SDSL: variants seen among roughly 807,000 people sequenced by gnomAD.
SDSL encodes serine dehydratase like.
SDSL carries 26 observed loss-of-function variants against 27.6 expected under a neutral mutation model. That is an observed-to-expected ratio of 0.94 (90% CI 0.69 to 1.31). The LOEUF is 1.31. SDSL is among the 50% of genes most tolerant of loss of function. SDSL has a pLI of 0.00. For synonymous variants in SDSL, 196 were observed against 180.6 expected, an observed-to-expected ratio of 1.09 and a Z score of -0.69; for missense variants, 431 against 423.5, an observed-to-expected ratio of 1.02 and a Z score of -0.16.
intron 1 of SDSL, chr12:113,427,299 C>A (rs1185936181): frequency 6.6e-6 from 1 of 152,478 alleles, no homozygotes; most frequent in African/African-American, 2.4e-5. Flanking sequence ...TTAGTAGAGA[C>A]AGGGTTTTAC....
At chr12:113,434,498 C>A (rs954624033) in intron 5 of SDSL, among the ~76,000 whole-genome samples, 1 of 152,216 alleles carries the variant, frequency 6.6e-6, no homozygotes. Flanking sequence ...GACCAGGCAC[C>A]AGGCTAATGG....
chr12:113,434,332 C>A, intron 5 of SDSL, 110 bp downstream of exon 5: 1 of 807,696 alleles, frequency 1.2e-6, no homozygotes, highest in Non-Finnish European at 1.9e-6. Flanking sequence ...GGAGAAGAGG[C>A]TTCAAAGCCA....
chr12:113,437,733 G>A (rs1190823308), intron 7 of SDSL, among the ~76,000 whole-genome samples, 153 bp from the exon 8 acceptor site: 1 of 152,206 alleles, frequency 6.6e-6, no homozygotes, highest in African/African-American at 2.4e-5. Context: ...TGGATGGGGA[G>A]AGCGTGAGAC....
intron 4 of SDSL, among the ~76,000 whole-genome samples, chr12:113,433,520 G>A (rs1001030570): frequency 4.6e-5 from 7 of 152,202 alleles, no homozygotes; most frequent in Non-Finnish European, 8.8e-5. Flanking sequence ...GCATTGGTAG[G>A]GAGTGTAGAA....
intron 4 of SDSL, among the ~76,000 whole-genome samples, chr12:113,431,742 T>A (rs1957924337): frequency 8.7e-6 from 1 of 114,738 alleles, no homozygotes; most frequent in African/African-American, 3.8e-5. Flanking sequence ...CCCAGCTAAT[T>A]TTTTTTTTTT....
At chr12:113,434,084 C>CAT in intron 4 of SDSL, 50 bp from the exon 5 acceptor site, 5 of 1,508,764 alleles carry the variant, frequency 3.3e-6, no homozygotes, top group Non-Finnish European at 4.6e-6. Context: ...CTCCGGCCTC[C>CAT]ATAGCAGTCC....
rs1315500095 is a variant in SDSL at position 113,429,205 on chromosome 12, G to A, written c.260G>A (p.Gly87Asp). 2.5e-6 allele frequency: 4 copies of A among 1,613,816 alleles called. No homozygotes were observed. In the South Asian group the frequency reaches 3.3e-5, roughly 13 times the overall value. ...IAAAYAARKL[G>D]IPATIVLPES... ...GCTGCCTATGCTGCTAGGAAGCTGG[G>A]CATTCCTGCCACCATCGTGCTCCCC... The change falls in exon 4 of 8, where the codon GGC becomes GAC. Residue 87 changes from glycine (G) to aspartate (D), a missense_variant. Gly to Asp is a moderately conservative substitution (Grantham distance 94). Coordinates refer to ENST00000403593, the MANE Select transcript of SDSL (RefSeq NM_001304993.2).
rs1349801589 is a variant in SDSL, at chr12:113,429,311, G to C, written c.354+12G>C. On this transcript the variant is annotated intron_variant, in intron 4 of 7. Coordinates refer to ENST00000403593, the MANE Select transcript of SDSL (RefSeq NM_001304993.2). ...AGCTGACTGGAAAGGTAAGGGCTCT[G>C]GGAAGGGGAGAACCATCTGGGTGGG... is the stretch of plus-strand genomic sequence containing the variant. 6.2e-7 allele frequency: 1 copy of C among 1,601,146 alleles called. No homozygotes were observed. Among genetic ancestry groups the C allele is most frequent in the East Asian group, 2.2e-5 (1 of 44,476 alleles).
At chr12:113,424,047 C>T (rs1957820662) in intron 1 of SDSL, among the ~76,000 whole-genome samples, 2 of 152,116 alleles carry the variant, frequency 1.3e-5, no homozygotes, top group African/African-American at 2.4e-5. Flanking sequence ...CCCTCTTACT[C>T]TCTAGGCTGG....
chr12:113,428,366 G>T (rs1957876913), intron 2 of SDSL, 54 bp from the exon 3 acceptor site: 14 of 1,567,456 alleles, frequency 8.9e-6, no homozygotes, highest in South Asian at 1.2e-5. Flanking sequence ...TTCCACATAG[G>T]CCTTCATGAC....
chr12:113,432,222 TTCTTTCTTTC>T (rs1409658639), intron 4 of SDSL, among the ~76,000 whole-genome samples: 2 of 8,290 alleles, frequency 2.4e-4, no homozygotes. Context: ...CTTTCTTTCT[TTCTTTCTTTC>T]TTTCTTTCTT....
At chr12:113,432,260 CTTT>C (rs1957936548) in intron 4 of SDSL, among the ~76,000 whole-genome samples, 1 of 137,584 alleles carries the variant, frequency 7.3e-6, no homozygotes, top group Admixed American at 7.3e-5. Flanking sequence ...TTCTTTCTTT[CTTT>C]CTTTCTTTCT....
intron 1 of SDSL, chr12:113,426,008 A>ACAC: frequency 2.6e-6 from 1 of 381,184 alleles, no homozygotes; most frequent in Non-Finnish European, 5.3e-6. Context: ...ACCACCACCA[A>ACAC]CACCACCACC....
In SDSL at chr12:113,437,938, C is replaced by A. The variant is rs1958019899; in HGVS notation, c.849C>A (p.Ile283=). 6.2e-7 allele frequency: 1 copy of A among 1,613,732 alleles called. No homozygotes were observed. The highest frequency in any genetic ancestry group is 8.5e-7 in the Non-Finnish European group (1 of 1,179,892). ...CCTGTGGGGCAGCCTTAGCAGCCAT[C>A]TACTCAGGCCTCCTGCGGAGGCTCC... ...EPACGAALAA[I]YSGLLRRLQA... Residue 283 remains isoleucine, a synonymous_variant, in exon 8 of 8, where the codon ATC becomes ATA. Transcript: ENST00000403593.
chr12:113,432,306 CTG>C, intron 4 of SDSL, among the ~76,000 whole-genome samples: 2 of 148,010 alleles, frequency 1.4e-5, no homozygotes, highest in African/African-American at 5.2e-5. Context: ...CTCTCTCTTT[CTG>C]TCTCTCTGTC....
At chr12:113,432,293 TC>T (rs1227971584) in intron 4 of SDSL, among the ~76,000 whole-genome samples, 9 of 145,994 alleles carry the variant, frequency 6.2e-5, no homozygotes, top group African/African-American at 2.3e-4. Context: ...TCTTTCTTTC[TC>T]TCTCTCTCTT....
chr12:113,436,158 A>G (rs576136389), intron 6 of SDSL, among the ~76,000 whole-genome samples: 1 of 152,236 alleles, frequency 6.6e-6, no homozygotes, highest in South Asian at 2.1e-4. Context: ...AAGCCAATAA[A>G]TTTTAAAAAG....
intron 1 of SDSL, among the ~76,000 whole-genome samples, chr12:113,424,387 G>T (rs894150107): frequency 1.3e-5 from 2 of 152,114 alleles, no homozygotes; most frequent in Admixed American, 6.6e-5. Flanking sequence ...CCCAAAGTAG[G>T]TCCCCTTGTT....
intron 1 of SDSL, among the ~76,000 whole-genome samples, chr12:113,427,658 T>G (rs1957865040): frequency 6.6e-6 from 1 of 152,180 alleles, no homozygotes; most frequent in Admixed American, 6.5e-5. Flanking sequence ...GAATAAGTAT[T>G]TTTTGACTGA....
Sources: gnomAD v4.1 joint callset for allele counts (sites outside exome capture counted in the v4.1 genomes callset) on GRCh38, gnomAD v4.1.1 for gene constraint, MANE v1.5 for transcripts, NCBI Gene and HGNC (gene_info 2026-07-23, HGNC 2026-07-21) for gene names.